CADM2: variants seen among roughly 807,000 people sequenced by gnomAD.
CADM2 encodes the protein immunoglobulin superfamily member 4D.
CADM2 carries 12 observed loss-of-function variants against 49.8 expected under a neutral mutation model. The observed-to-expected ratio is 0.24, with a 90% CI of 0.15 to 0.39. CADM2 has a LOEUF of 0.39. CADM2 is among the 10% of genes least tolerant of loss of function. The probability of loss-of-function intolerance (pLI) is 1.00; values close to 1 mark genes in which losing one functional copy is unlikely to be tolerated. For synonymous variants in CADM2, 214 were observed against 175.4 expected (o/e 1.22, Z -1.74); for missense variants, 378 against 492.3 (o/e 0.77, Z 2.20).
chr3:85,967,152 G>A lies in CADM2; in HGVS notation c.970+5505G>A, dbSNP rs539430635. Among the ~76,000 whole-genome samples, 13 of 151,706 alleles carry A rather than the reference G, an allele frequency of 8.6e-5. No homozygotes were observed. In the East Asian group the frequency reaches 9.8e-4, roughly 11 times the overall value. On this transcript the variant is annotated intron_variant, in intron 8 of 9. Transcript: ENST00000383699. Reference sequence around the variant, plus strand: ...TAGATATTATAGACTGCTGGATCAAGCCAAACTTCCAAGCTTTGTTGCTCA... The same window carrying A: ...TAGATATTATAGACTGCTGGATCAAACCAAACTTCCAAGCTTTGTTGCTCA...
intron 1 of CADM2, among the ~76,000 whole-genome samples, chr3:85,030,121 T>C (rs1291213557): frequency 1.3e-5 from 2 of 152,220 alleles, no homozygotes; most frequent in Non-Finnish European, 2.9e-5. Flanking sequence ...CTGCATTAAG[T>C]ATCTTAAACT....
intron 1 of CADM2, among the ~76,000 whole-genome samples, chr3:85,279,421 T>C (rs1322710616): frequency 6.6e-6 from 1 of 151,536 alleles, no homozygotes; most frequent in East Asian, 1.9e-4. Context: ...ACAATACTCT[T>C]CAAATGAGAT....
Position 85,435,682 on chromosome 3 carries a change from T to C in CADM2, c.62-290840T>C, listed in dbSNP as rs569824077. ...TCCACATCCTCCCCAGCATCTGTTG[T>C]TTCCTGAATTTCCAGTGATGGCCAT... On this transcript the variant is annotated intron_variant, in intron 1 of 9. Coordinates refer to ENST00000383699, the MANE Select transcript of CADM2 (RefSeq NM_001167675.2). Among the ~76,000 whole-genome samples, 5 of 152,258 alleles carry C rather than the reference T, an allele frequency of 3.3e-5. No individual in the cohort carries two copies. In the South Asian group the frequency reaches 8.3e-4, roughly 25 times the overall value.
chr3:85,883,774 T>C (rs1713161585), intron 4 of CADM2, among the ~76,000 whole-genome samples: 1 of 152,210 alleles, frequency 6.6e-6, no homozygotes, highest in Non-Finnish European at 1.5e-5. Context: ...ATTCTGATCC[T>C]TTTACGACAT....
chr3:85,991,174 C>G (rs1308396789), intron 8 of CADM2, among the ~76,000 whole-genome samples: 2 of 152,150 alleles, frequency 1.3e-5, no homozygotes, highest in African/African-American at 2.4e-5. Flanking sequence ...CATTATCCCC[C>G]CACACATTTT....
intron 7 of CADM2, among the ~76,000 whole-genome samples, chr3:85,956,837 A>G (rs1299504989): frequency 2.0e-5 from 3 of 151,690 alleles, no homozygotes; most frequent in African/African-American, 7.2e-5. Flanking sequence ...CTAGGAAAAA[A>G]TCATGACAGT....
chr3:85,990,013 CAAA>C (rs58178176), intron 8 of CADM2, among the ~76,000 whole-genome samples: 168 of 9,566 alleles, frequency 0.018, no homozygotes, highest in East Asian at 0.05. Context: ...ACTCCATGTC[CAAA>C]AAAAAAAAAA....
At chr3:86,007,019 G>A (rs1730880462) in intron 8 of CADM2, among the ~76,000 whole-genome samples, 2 of 152,028 alleles carry the variant, frequency 1.3e-5, no homozygotes, top group South Asian at 4.2e-4. Context: ...CAGCCTGGGT[G>A]ACAGAGTGAG....
intron 2 of CADM2, among the ~76,000 whole-genome samples, chr3:85,772,543 G>A (rs2070147408): frequency 6.6e-6 from 1 of 151,940 alleles, no homozygotes; most frequent in African/African-American, 2.4e-5. Context: ...ACTTCTTTTG[G>A]CACTGGTGAT....
chr3:85,645,607 T>G (rs943623537), intron 1 of CADM2, among the ~76,000 whole-genome samples: 4 of 152,008 alleles, frequency 2.6e-5, no homozygotes, highest in Non-Finnish European at 5.9e-5. Flanking sequence ...TAAAGCTCTG[T>G]AAAAATTTTT....
chr3:85,894,322 G>T (rs1714908856), intron 5 of CADM2, among the ~76,000 whole-genome samples: 1 of 152,090 alleles, frequency 6.6e-6, no homozygotes, highest in Non-Finnish European at 1.5e-5. Flanking sequence ...ACAGGAAGGG[G>T]AACATCCACA....
chr3:85,838,447 CT>C (rs1465871334), intron 3 of CADM2, among the ~76,000 whole-genome samples: 1 of 151,724 alleles, frequency 6.6e-6, no homozygotes, highest in Non-Finnish European at 1.5e-5. Flanking sequence ...ACCTTGGAAG[CT>C]GTTGTGAAGA....
intron 1 of CADM2, among the ~76,000 whole-genome samples, chr3:85,438,959 A>T (rs1161073420): frequency 1.3e-5 from 2 of 152,028 alleles, no homozygotes; most frequent in African/African-American, 2.4e-5. Context: ...AAGTGCTGGG[A>T]TTACAGGTGT....
intron 1 of CADM2, among the ~76,000 whole-genome samples, chr3:85,439,531 A>AT (rs796255356): frequency 3.3e-5 from 5 of 151,508 alleles, no homozygotes; most frequent in Admixed American, 6.6e-5. Flanking sequence ...AAATTCTTCT[A>AT]TTTTTTTGTT....
At chr3:85,520,587 A>G (rs2061007886) in intron 1 of CADM2, among the ~76,000 whole-genome samples, 2 of 151,982 alleles carry the variant, frequency 1.3e-5, no homozygotes, top group South Asian at 2.1e-4. Context: ...CCACTTTCCT[A>G]TTTGAGTCAT....
At position 84,959,155 on chromosome 3, in the gene CADM2, G is replaced by A. The variant is rs867312717; in HGVS notation, c.-453G>A. 24 of 183,404 alleles carry A rather than the reference G, an allele frequency of 1.3e-4. No individual in the cohort carries two copies. Among genetic ancestry groups the A allele is most frequent in the African/African-American group, 5.1e-4 (21 of 41,342 alleles). 11.4% of individuals were successfully genotyped at this position (183,404 alleles called of 1,614,324 possible). A position where few individuals can be genotyped will look rare whatever the true frequency, so the allele number is the denominator to read the frequency against. On this transcript the variant is annotated 5_prime_UTR_variant, in exon 1 of 10. Transcript: ENST00000383699. ...ACCCCGAGACACCCCGGGCGCGAGCGGCAGTGCTGCTTGCTTGCTCCTCCT... is the reference window on the plus strand; with the variant it reads ...ACCCCGAGACACCCCGGGCGCGAGCAGCAGTGCTGCTTGCTTGCTCCTCCT...
At chr3:85,289,466 G>C (rs1271931533) in intron 1 of CADM2, among the ~76,000 whole-genome samples, 1 of 152,176 alleles carries the variant, frequency 6.6e-6, no homozygotes, top group Non-Finnish European at 1.5e-5. Flanking sequence ...AGACTGTTAA[G>C]ATAAGAAATG....
chr3:85,803,923 A>G (rs916027196), intron 3 of CADM2, among the ~76,000 whole-genome samples: 3 of 152,188 alleles, frequency 2.0e-5, no homozygotes, highest in African/African-American at 4.8e-5. Flanking sequence ...TTGACAGTTA[A>G]TATAAAATTT....
chr3:86,040,941 A>G (rs2107238597), intron 8 of CADM2, among the ~76,000 whole-genome samples: 1 of 152,282 alleles, frequency 6.6e-6, no homozygotes, highest in African/African-American at 2.4e-5. Flanking sequence ...ATTCTTAAAG[A>G]AAAGAATTTT....
Sources: allele counts gnomAD v4.1 joint callset (sites outside exome capture counted in the v4.1 genomes callset), GRCh38; gene constraint gnomAD v4.1.1; transcripts MANE v1.5; gene names NCBI Gene and HGNC (gene_info 2026-07-23, HGNC 2026-07-21).